Variants in GEN1 observed in about 807,000 individuals in gnomAD.
GEN1 encodes the protein GEN1 structure-specific endonuclease.
GEN1 carries 64 observed loss-of-function variants against 67.6 expected under a neutral mutation model. The ratio of observed to expected loss-of-function variants is 0.95; its 90% CI spans 0.77 to 1.17. GEN1 has a LOEUF of 1.17. Among genes scored for constraint, GEN1 ranks in the 50% most tolerant of loss-of-function variants. The probability of loss-of-function intolerance (pLI) is 0.00; values close to 1 mark genes in which losing one functional copy is unlikely to be tolerated. For missense variants in GEN1, 1,058 were observed against 1,048.3 expected (o/e 1.01, Z -0.13); for synonymous variants, 371 against 359.4 (o/e 1.03, Z -0.37).
At chr2:17,777,831 A>G (rs1356661030) in intron 11 of GEN1, among the ~76,000 whole-genome samples, 171 bp from the exon 12 acceptor site, 1 of 152,060 alleles carries the variant, frequency 6.6e-6, no homozygotes, top group African/African-American at 2.4e-5. Context: ...AATAAACTCT[A>G]TGTACCTAAC....
Position 17,784,014 on chromosome 2 carries a change from A to G in GEN1, c.*2075A>G, listed in dbSNP as rs1410612738. On this transcript the variant is annotated 3_prime_UTR_variant, in exon 14 of 14. Coordinates refer to ENST00000381254, the MANE Select transcript of GEN1 (RefSeq NM_001130009.3). ...AAACTGGACTTCATCAAAACTAAAAACTGTTGTTTGAAATGACACCATCAA... is the reference window on the plus strand; with the variant it reads ...AAACTGGACTTCATCAAAACTAAAAGCTGTTGTTTGAAATGACACCATCAA... 6.6e-6 allele frequency: 1 copy of G among 152,214 alleles called. No homozygotes were observed. The highest frequency in any genetic ancestry group is 1.9e-4 in the East Asian group (1 of 5,204). The allele number at this position is 152,214 out of a possible 1,614,324, so 9.4% of individuals were successfully genotyped here.
Position 17,783,616 on chromosome 2 carries a change from T to G in GEN1, c.*1677T>G, listed in dbSNP as rs997885347. ...ATACAGAACTACAGTAATGAATGTG[T>G]TGTACTGGTATAAAGGTAGACATAT... is the stretch of plus-strand genomic sequence containing the variant. On this transcript the variant is annotated 3_prime_UTR_variant, in exon 14 of 14. Coordinates refer to ENST00000381254, the MANE Select transcript of GEN1 (RefSeq NM_001130009.3). 2 of 152,216 alleles carry G rather than the reference T, an allele frequency of 1.3e-5. No homozygotes were observed. Among genetic ancestry groups the G allele is most frequent in the Admixed American group, 6.5e-5 (1 of 15,286 alleles). The allele number at this position is 152,216 out of a possible 1,614,324, so 9.4% of individuals were successfully genotyped here.
In GEN1 at chr2:17,774,258, ATTATAT is replaced by A. The variant is rs767244405; in HGVS notation, c.1072-7_1072-2del. On this transcript the variant is annotated splice_polypyrimidine_tract_variant and splice_region_variant and intron_variant, in intron 10 of 13. Coordinates refer to ENST00000381254, the MANE Select transcript of GEN1 (RefSeq NM_001130009.3). ...GATAACAAAATCTTGTTTTATTTTTATTATATTTATAGAGATTTACTCTTGAAAAAA... is the reference window on the plus strand; with the variant it reads ...GATAACAAAATCTTGTTTTATTTTTATTATAGAGATTTACTCTTGAAAAAA... 10 of 1,423,120 alleles carry A rather than the reference ATTATAT, an allele frequency of 7.0e-6. No individual in the cohort carries two copies. Among genetic ancestry groups the A allele is most frequent in the Non-Finnish European group, 8.5e-6 (9 of 1,055,528 alleles). The allele number at this position is 1,423,120 out of a possible 1,614,324, so 88.2% of individuals were successfully genotyped here.
At chr2:17,771,339 C>A (rs1369279267) in intron 7 of GEN1, 52 bp downstream of exon 7, 1 of 1,055,532 alleles carries the variant, frequency 9.5e-7, no homozygotes, top group Non-Finnish European at 1.5e-6. Flanking sequence ...TGTTTTAATT[C>A]TTGTTCACAT....
chr2:17,766,509 T>C (rs751806880), intron 4 of GEN1, 70 bp from the exon 5 acceptor site: 24 of 818,874 alleles, frequency 2.9e-5, no homozygotes, highest in Non-Finnish European at 4.2e-5. Context: ...TGACAAATTA[T>C]TTTTGTAATG....
Position 17,780,069 on chromosome 2 carries a change from C to T in GEN1, c.1356C>T (p.Ile452=), listed in dbSNP as rs772523095. The change falls in exon 13 of 14, where the codon ATC becomes ATT. Residue 452 remains isoleucine, a synonymous_variant. Coordinates refer to ENST00000381254, the MANE Select transcript of GEN1 (RefSeq NM_001130009.3). ...TGTTTGAAGCAGCATATCCTGAGATCGTTGCTGTTTACCAAAAACAAAAGT... is the reference window on the plus strand; with the variant it reads ...TGTTTGAAGCAGCATATCCTGAGATTGTTGCTGTTTACCAAAAACAAAAGT... ...ESLFEAAYPE[I]VAVYQKQKLE... is the part of the protein sequence containing the mutation. 1.5e-5 allele frequency: 24 copies of T among 1,611,574 alleles called. No individual in the cohort carries two copies. Among genetic ancestry groups the T allele is most frequent in the Non-Finnish European group, 2.0e-5 (23 of 1,178,490 alleles).
In GEN1 at chr2:17,783,526, G is replaced by A. The variant is rs977999393; in HGVS notation, c.*1587G>A. 1 of 152,180 alleles carries A rather than the reference G, an allele frequency of 6.6e-6. No homozygotes were observed. Among genetic ancestry groups the A allele is most frequent in the Non-Finnish European group, 1.5e-5 (1 of 68,052 alleles). The allele number at this position is 152,180 out of a possible 1,614,324, so 9.4% of individuals were successfully genotyped here. A position where few individuals can be genotyped will look rare whatever the true frequency, so the allele number is the denominator to read the frequency against. On this transcript the variant is annotated 3_prime_UTR_variant, in exon 14 of 14. Coordinates refer to ENST00000381254, the MANE Select transcript of GEN1 (RefSeq NM_001130009.3). ...TTCTAAAATTCATATGGAAATTTCA[G>A]GAACACAGAATATTAGGAAGAATCT...
intron 12 of GEN1, 146 bp downstream of exon 12, chr2:17,778,209 T>TATATATACACACAC (rs1672560467): frequency 4.4e-6 from 1 of 229,122 alleles, no homozygotes; most frequent in African/African-American, 5.1e-5. Context: ...TATATGTGTA[T>TATATATACACACAC]ATATATGTAT....
chr2:17,776,676 C>T (rs149117304), intron 11 of GEN1, among the ~76,000 whole-genome samples: 2,436 of 152,292 alleles, frequency 0.016, 33 homozygotes, highest in Middle Eastern at 0.061. Flanking sequence ...ACACATCTTT[C>T]ATAACCGTAA....
chr2:17,768,629 G>A (rs1672038797), intron 5 of GEN1, 109 bp from the exon 6 acceptor site: 1 of 745,692 alleles, frequency 1.3e-6, no homozygotes, highest in Non-Finnish European at 2.3e-6. Flanking sequence ...TATCTTTATT[G>A]AAGAGTTACC....
rs1268852730 is a variant in GEN1 at position 17,787,678 on chromosome 2, G to A, written c.*5739G>A. On this transcript the variant is annotated 3_prime_UTR_variant, in exon 14 of 14. Transcript: ENST00000381254. ...CCGGGTGTGGGGGCTCACATCAGCAGTTTGGGAGGCCGAGATGGGCAGATT... is the reference window on the plus strand; with the variant it reads ...CCGGGTGTGGGGGCTCACATCAGCAATTTGGGAGGCCGAGATGGGCAGATT... 1 of 152,260 alleles carries A rather than the reference G, an allele frequency of 6.6e-6. No homozygotes were observed. Among genetic ancestry groups the A allele is most frequent in the Non-Finnish European group, 1.5e-5 (1 of 68,094 alleles). 9.4% of individuals were successfully genotyped at this position (152,260 alleles called of 1,614,324 possible). A position where few individuals can be genotyped will look rare whatever the true frequency, so the allele number is the denominator to read the frequency against.
chr2:17,765,476 G>C (rs938002745), intron 4 of GEN1, among the ~76,000 whole-genome samples: 2 of 152,216 alleles, frequency 1.3e-5, no homozygotes, highest in African/African-American at 2.4e-5. Context: ...AGCAGCCCGA[G>C]TGCTCATTGA....
intron 1 of GEN1, among the ~76,000 whole-genome samples, chr2:17,757,535 C>T (rs564555538): frequency 1.3e-5 from 2 of 152,002 alleles, no homozygotes; most frequent in South Asian, 2.1e-4. Context: ...AGTCAACCTA[C>T]GAAAGGAATC....
chr2:17,779,981 A>T lies in GEN1; in HGVS notation c.1268A>T (p.His423Leu). The T allele has an allele frequency of 6.2e-7, 1 of 1,600,356 alleles. No homozygotes were observed. Among genetic ancestry groups the T allele is most frequent in the Non-Finnish European group, 8.6e-7 (1 of 1,169,520 alleles). ...TGCTGTATTTTTAATCTTTTAGAACATTATGCTATGGAAGATAAACAACAT... is the reference window on the plus strand; with the variant it reads ...TGCTGTATTTTTAATCTTTTAGAACTTTATGCTATGGAAGATAAACAACAT... ...CFEIEWEKPE[H>L]YAMEDKQHGE... The change falls in exon 13 of 14, where the codon CAT (histidine) becomes CTT (leucine). Residue 423 changes from histidine to leucine, a missense_variant. Transcript: ENST00000381254.
At chr2:17,760,870 C>T (rs1181007549) in intron 2 of GEN1, among the ~76,000 whole-genome samples, 14 of 148,884 alleles carry the variant, frequency 9.4e-5, no homozygotes, top group Non-Finnish European at 1.3e-4. Flanking sequence ...TGCAGTGAGC[C>T]GAGATCACAC....
rs1341111507 is a variant in GEN1 at position 17,780,690 on chromosome 2, TA to T, written c.1482del (p.Lys494AsnfsTer14). 1 of 1,613,918 alleles carries T rather than the reference TA, an allele frequency of 6.2e-7. No individual in the cohort carries two copies. The highest frequency in any genetic ancestry group is 8.5e-7 in the Non-Finnish European group (1 of 1,179,884). ...EVMSFQSHMT[L>X]KPTCEIFHKQ... ...ATGAGCTTTCAGTCACACATGACTT[TA>T]AAACCCACATGTGAAATCTTTCATA... is the stretch of plus-strand genomic sequence containing the variant. On this transcript the variant is annotated frameshift_variant, in exon 14 of 14. Coordinates refer to ENST00000381254, the MANE Select transcript of GEN1 (RefSeq NM_001130009.3). LOFTEE classifies it low-confidence loss of function (END_TRUNC).
Position 17,785,479 on chromosome 2 carries a change from C to T in GEN1, c.*3540C>T, listed in dbSNP as rs1186054700. The T allele has an allele frequency of 6.6e-6, 1 of 152,380 alleles. No individual in the cohort carries two copies. The allele number at this position is 152,380 out of a possible 1,614,324, so 9.4% of individuals were successfully genotyped here. ...AAGATCTGCCTCCAGCTGCTAGGAT[C>T]CTGTAATTGGTTTCTTTCTGATGGC... On this transcript the variant is annotated 3_prime_UTR_variant, in exon 14 of 14. Coordinates refer to ENST00000381254, the MANE Select transcript of GEN1 (RefSeq NM_001130009.3).
intron 12 of GEN1, 129 bp downstream of exon 12, chr2:17,778,192 A>ACACATATGTGTATATATATGTATG: frequency 2.5e-6 from 1 of 407,416 alleles, no homozygotes; most frequent in East Asian, 4.5e-5. Flanking sequence ...ATATATACAC[A>ACACATATGTGTATATATATGTATG]CACACATATA....
intron 8 of GEN1, 118 bp from the exon 9 acceptor site, chr2:17,772,978 C>A: frequency 1.2e-6 from 1 of 808,478 alleles, no homozygotes; most frequent in South Asian, 1.8e-5. Flanking sequence ...GGAAGCTTGA[C>A]TGTTTGGGAT....
Sources: allele counts gnomAD v4.1 joint callset (sites outside exome capture counted in the v4.1 genomes callset), GRCh38; gene constraint gnomAD v4.1.1; transcripts MANE v1.5; gene names NCBI Gene and HGNC (gene_info 2026-07-23, HGNC 2026-07-21).